MACF1: variants seen among roughly 807,000 people sequenced by gnomAD.
MACF1 encodes the protein microtubule actin crosslinking factor 1, also known as microtubule-actin cross-linking factor 1.
Under a neutral mutation model 854.8 loss-of-function variants are expected in MACF1, and 193 were observed. That is an observed-to-expected ratio of 0.23 (90% CI 0.20 to 0.25). The LOEUF is 0.25. Among genes scored for constraint, MACF1 ranks in the 10% least tolerant of loss-of-function variants. The probability of loss-of-function intolerance (pLI) is 1.00; values close to 1 mark genes in which losing one functional copy is unlikely to be tolerated. For synonymous variants in MACF1, 3,185 were observed against 3,226.7 expected, an observed-to-expected ratio of 0.99 and a Z score of 0.44; for missense variants, 7,722 against 8,929.1, an observed-to-expected ratio of 0.86 and a Z score of 5.45.
rs1158731878 is a variant in MACF1, at chr1:39,448,778, C to G, written c.20258+15C>G. The G allele has an allele frequency of 1.3e-6, 2 of 1,595,164 alleles. No homozygotes were observed. The highest frequency in any genetic ancestry group is 3.4e-5 in the Admixed American group (2 of 58,342). On this transcript the variant is annotated intron_variant, in intron 84 of 100. Coordinates refer to ENST00000564288, the MANE Select transcript of MACF1 (RefSeq NM_001394062.1). ...TCTGTGGAGCGGTGAGCATGAATGT[C>G]CCCTTCAGGGGTCTAACCGGGATCC... is the stretch of plus-strand genomic sequence containing the variant.
intron 93 of MACF1, among the ~76,000 whole-genome samples, chr1:39,463,331 A>G (rs1348361237): frequency 1.3e-5 from 2 of 152,160 alleles, no homozygotes; most frequent in African/African-American, 2.4e-5. Context: ...TACTAAAAAA[A>G]TACAAAAAAT....
chr1:39,463,742 C>A, intron 94 of MACF1, 56 bp downstream of exon 94: 1 of 1,468,572 alleles, frequency 6.8e-7, no homozygotes, highest in South Asian at 1.1e-5. Context: ...TGTGGCTGAT[C>A]CCACCTTTTC....
In MACF1 at chr1:39,090,666, G is replaced by T. The variant is rs1245831426; in HGVS notation, c.220+6228G>T. Among the ~76,000 whole-genome samples, 8 of 152,224 alleles carry T rather than the reference G, an allele frequency of 5.3e-5. No homozygotes were observed. The South Asian group carries it at 1.5e-3, about 28-fold the overall frequency. On this transcript the variant is annotated intron_variant, in intron 2 of 93. Transcript: ENST00000361689. The stretch of plus-strand genomic sequence containing the variant: ...TGGCTCATGCCTTTCTGTTTGTTAT[G>T]GGAGAAGCCTAGGCTGAAGGTAGGA...
rs919907754 is a variant in MACF1 at position 39,485,804 on chromosome 1, A to G, written c.*10A>G. On this transcript the variant is annotated 3_prime_UTR_variant, in exon 101 of 101. Transcript: ENST00000564288. ...AGGTCCCAAGCGATAACACTGTCTA[A>G]GCACCCCCAAGCCACTATCCACTTT... 6.4e-7 allele frequency: 1 copy of G among 1,566,990 alleles called. No individual in the cohort carries two copies. The highest frequency in any genetic ancestry group is 8.7e-7 in the Non-Finnish European group (1 of 1,153,460).
chr1:39,340,321 A>G (rs1301070833), intron 38 of MACF1, among the ~76,000 whole-genome samples, 181 bp from the exon 39 acceptor site: 1 of 152,138 alleles, frequency 6.6e-6, no homozygotes, highest in Non-Finnish European at 1.5e-5. Context: ...AGTAACATCT[A>G]CCTTGCCTAC....
At chr1:39,309,106 A>G (rs1646247267) in intron 23 of MACF1, among the ~76,000 whole-genome samples, 1 of 152,082 alleles carries the variant, frequency 6.6e-6, no homozygotes. Context: ...GCCTTTCCCT[A>G]TTATTGTTCT....
At chr1:39,196,947 T>A (rs1231352563) in intron 2 of MACF1, among the ~76,000 whole-genome samples, 1 of 152,198 alleles carries the variant, frequency 6.6e-6, no homozygotes, top group African/African-American at 2.4e-5. Flanking sequence ...AAGTTCTGAG[T>A]CTGTCTTCTA....
rs1644994812 is a variant in MACF1, at chr1:39,480,568, G to T, written c.22171-352G>T. On this transcript the variant is annotated intron_variant, in intron 98 of 100. Transcript: ENST00000564288. ...TGCTTGAGCCCAGGAATACAAGGCT[G>T]CAGTAAGCTATGAACTGCACCACTG... Among the ~76,000 whole-genome samples, 3 of 152,200 alleles carry T rather than the reference G, an allele frequency of 2.0e-5. No individual in the cohort carries two copies. In the South Asian group the frequency reaches 6.2e-4, roughly 32 times the overall value.
At position 39,409,020 on chromosome 1, in the gene MACF1, G is replaced by GGGCGGCGCAGCGC. The variant is rs537255209; in HGVS notation, c.15817-13345_15817-13333dup. The stretch of plus-strand genomic sequence containing the variant: ...TGGCTTCCAGGGGGCTGCCCGGGCG[G>GGGCGGCGCAGCGC]GGCGGCGCAGCGCGGCGGCGCGGGG... On this transcript the variant is annotated intron_variant, in intron 58 of 100. Transcript: ENST00000564288. This position sits in a 1 kb window ranked among gnomAD's most constrained non-coding sequence, Gnocchi z 4.2. Among the ~76,000 whole-genome samples, 1 of 151,862 alleles carries GGGCGGCGCAGCGC rather than the reference G, an allele frequency of 6.6e-6. No individual in the cohort carries two copies. The highest frequency in any genetic ancestry group is 2.1e-4 in the South Asian group (1 of 4,818).
intron 23 of MACF1, among the ~76,000 whole-genome samples, chr1:39,307,880 TTC>T (rs1269310916): frequency 6.7e-6 from 1 of 148,702 alleles, no homozygotes; most frequent in Non-Finnish European, 1.5e-5. Flanking sequence ...TCTGGATTAT[TTC>T]TCTTTTCTTT....
chr1:39,434,221 A>G (rs1339175964), intron 68 of MACF1, among the ~76,000 whole-genome samples, 193 bp from the exon 69 acceptor site: 3 of 152,048 alleles, frequency 2.0e-5, no homozygotes, highest in African/African-American at 7.2e-5. Flanking sequence ...AAATATATGT[A>G]TGATAGGAAA....
chr1:39,322,513 A>G (rs1281238462), intron 31 of MACF1, 95 bp from the exon 32 acceptor site: 4 of 1,119,458 alleles, frequency 3.6e-6, no homozygotes, highest in Non-Finnish European at 5.4e-6. Flanking sequence ...AGTGGTCACC[A>G]AAACGCTTCC....
intron 2 of MACF1, among the ~76,000 whole-genome samples, chr1:39,248,597 C>T (rs895724864): frequency 4.1e-5 from 1 of 24,536 alleles, no homozygotes; most frequent in African/African-American, 4.7e-5. Flanking sequence ...TCCCCAGCCT[C>T]TACTCAAAAT....
Position 39,231,246 on chromosome 1 carries a change from A to C in MACF1, c.171+3A>C, listed in dbSNP as rs1407777780. On this transcript the variant is annotated splice_donor_region_variant and intron_variant, in intron 2 of 100. Transcript: ENST00000564288. The stretch of plus-strand genomic sequence containing the variant: ...GGGTCAACAAGCACTTAATGAAGGT[A>C]GGACCCTTTCATATATATGCTGCCC... 23 of 1,613,860 alleles carry C rather than the reference A, an allele frequency of 1.4e-5. No individual in the cohort carries two copies. The highest frequency in any genetic ancestry group is 1.9e-5 in the Non-Finnish European group (23 of 1,179,688).
chr1:39,198,715 C>T lies in MACF1; in HGVS notation c.221-32467C>T, dbSNP rs375905965. ...TGGCACACACCTGTAGTCACAGCTACTGGGGAGGCTGAGGCAGGAGAATTG... is the reference window on the plus strand; with the variant it reads ...TGGCACACACCTGTAGTCACAGCTATTGGGGAGGCTGAGGCAGGAGAATTG... On this transcript the variant is annotated intron_variant, in intron 2 of 93. Transcript: ENST00000361689. Among the ~76,000 whole-genome samples the T allele has an allele frequency of 8.6e-5, 13 of 150,902 alleles. No individual in the cohort carries two copies. In the East Asian group the frequency reaches 2.0e-3, roughly 23 times the overall value.
chr1:39,469,000 TG>T (rs1644724400), intron 96 of MACF1, among the ~76,000 whole-genome samples: 2 of 152,150 alleles, frequency 1.3e-5, no homozygotes, highest in South Asian at 4.1e-4. Flanking sequence ...CTCGAATGTT[TG>T]TTTGGGGTAT....
intron 97 of MACF1, among the ~76,000 whole-genome samples, chr1:39,471,352 T>C (rs1342265244): frequency 6.6e-6 from 1 of 152,190 alleles, no homozygotes; most frequent in Non-Finnish European, 1.5e-5. Flanking sequence ...AAACAGTGCT[T>C]ATGGTAGGTT....
intron 2 of MACF1, chr1:39,102,982 CAT>C (rs1205242492): frequency 1.4e-5 from 10 of 700,888 alleles, no homozygotes; most frequent in African/African-American, 1.0e-4. Context: ...ATCAGCCAAA[CAT>C]GTGGACTTCC....
chr1:39,332,699 G>A lies in MACF1; in HGVS notation c.6111G>A (p.Val2037=), dbSNP rs779269754. The A allele has an allele frequency of 5.3e-5, 86 of 1,614,044 alleles. No individual in the cohort carries two copies. The highest frequency in any genetic ancestry group is 1.3e-5 in the Non-Finnish European group (15 of 1,180,042). The stretch of plus-strand genomic sequence containing the variant: ...GAACTTTCAGCAGTGGGTGGACTGT[G>A]AGGCTGCCTGAGTTCCAGTTTTCTT... The part of the protein sequence containing the change: ...ISGTFSSGWT[V]RLPEFQFSSQ... Residue 2037 remains valine (V), a synonymous_variant, in exon 37 of 101, where the codon GTG becomes GTA. Transcript: ENST00000564288.
Sources: gnomAD v4.1 joint callset for allele counts (sites outside exome capture counted in the v4.1 genomes callset) on GRCh38, gnomAD v4.1.1 for gene constraint, Gnocchi (gnomAD v3.1) non-coding constraint, MANE v1.5 for transcripts, NCBI Gene and HGNC (gene_info 2026-07-23, HGNC 2026-07-21) for gene names.